ERBB4: variants seen among roughly 807,000 people sequenced by gnomAD.
ERBB4 encodes the protein receptor tyrosine-protein kinase erbB-4.
ERBB4 carries 42 observed loss-of-function variants against 158.0 expected under a neutral mutation model. The observed-to-expected ratio is 0.27, with a 90% CI of 0.21 to 0.34. The LOEUF is 0.34. Among genes scored for constraint, ERBB4 ranks in the 10% least tolerant of loss-of-function variants. The pLI, the probability that ERBB4 is intolerant of heterozygous loss-of-function variation, is 1.00. For synonymous variants in ERBB4, 583 were observed against 558.7 expected (o/e 1.04, Z -0.61); for missense variants, 1,333 against 1,624.1 (o/e 0.82, Z 3.08).
intron 1 of ERBB4, among the ~76,000 whole-genome samples, chr2:212,305,977 A>AT (rs2086795683): frequency 1.3e-5 from 2 of 151,498 alleles, no homozygotes; most frequent in African/African-American, 4.8e-5. Context: ...TATCTGTATA[A>AT]GTAAATCTGC....
rs2125137828 is a variant in ERBB4, at chr2:211,947,499, C to T, written c.352G>A (p.Ala118Thr). 1 of 1,613,764 alleles carries T rather than the reference C, an allele frequency of 6.2e-7. No homozygotes were observed. The highest frequency in any genetic ancestry group is 8.5e-7 in the Non-Finnish European group (1 of 1,179,868). Residue 118 changes from alanine (A) to threonine (T), a missense_variant, in exon 3 of 28, where the codon GCA becomes ACA. Ala to Thr is a moderately conservative substitution (Grantham distance 58). Coordinates refer to ENST00000342788, the MANE Select transcript of ERBB4 (RefSeq NM_005235.3). The part of the protein sequence containing the change: ...TKLYEDRYAL[A>T]IFLNYRKDGN... ...TCTTTTCTGTAGTTTAAAAATATTGCCAAGGCATATCGATCCTCATAAAGT... is the reference window on the plus strand; with the variant it reads ...TCTTTTCTGTAGTTTAAAAATATTGTCAAGGCATATCGATCCTCATAAAGT...
At chr2:211,568,489 T>G (rs899836555) in intron 19 of ERBB4, among the ~76,000 whole-genome samples, 3 of 152,164 alleles carry the variant, frequency 2.0e-5, no homozygotes, top group Non-Finnish European at 2.9e-5. Flanking sequence ...TTTTTCATAT[T>G]ATTTAGCGGT....
At chr2:212,159,869 C>T (rs2081152986) in intron 1 of ERBB4, among the ~76,000 whole-genome samples, 1 of 151,934 alleles carries the variant, frequency 6.6e-6, no homozygotes, top group Admixed American at 6.6e-5. Context: ...TGATAAATGG[C>T]TAATATACTT....
chr2:212,353,463 T>C (rs2089340796), intron 1 of ERBB4, among the ~76,000 whole-genome samples: 1 of 149,674 alleles, frequency 6.7e-6, no homozygotes, highest in Admixed American at 6.7e-5. Flanking sequence ...TATTTTATAA[T>C]ATATACATAT....
chr2:211,445,584 G>A (rs1259917074), intron 20 of ERBB4, among the ~76,000 whole-genome samples: 6 of 152,034 alleles, frequency 3.9e-5, no homozygotes, highest in Non-Finnish European at 8.8e-5. Context: ...TAAAACTAGC[G>A]ACAGTATCAA....
At chr2:211,386,782 A>T in intron 27 of ERBB4, 71 bp downstream of exon 27, 1 of 1,516,910 alleles carries the variant, frequency 6.6e-7, no homozygotes, top group Non-Finnish European at 9.1e-7. Context: ...GGCAATTTCT[A>T]TTCTGTACTT....
chr2:211,813,032 C>T (rs988115952), intron 3 of ERBB4, among the ~76,000 whole-genome samples: 15 of 152,170 alleles, frequency 9.9e-5, no homozygotes, highest in African/African-American at 3.4e-4. Flanking sequence ...TGTTCCAGCT[C>T]GCCCTCTGTG....
At chr2:212,476,725 C>A (rs1689423259) in intron 1 of ERBB4, among the ~76,000 whole-genome samples, 1 of 152,012 alleles carries the variant, frequency 6.6e-6, no homozygotes, top group Non-Finnish European at 1.5e-5. Flanking sequence ...TACATTAACA[C>A]AAATTAAAAA....
intron 22 of ERBB4, among the ~76,000 whole-genome samples, chr2:211,426,643 G>A (rs2063634686): frequency 6.6e-6 from 1 of 151,848 alleles, no homozygotes; most frequent in Admixed American, 6.6e-5. Context: ...TGACTGTTCT[G>A]CCCAGTTTAT....
At chr2:211,570,681 C>T (rs1205272305) in intron 19 of ERBB4, among the ~76,000 whole-genome samples, 1 of 152,136 alleles carries the variant, frequency 6.6e-6, no homozygotes, top group Non-Finnish European at 1.5e-5. Context: ...ACTGTAACTA[C>T]AAGGACATAT....
intron 1 of ERBB4, among the ~76,000 whole-genome samples, chr2:212,510,442 T>A (rs1476651010): frequency 6.6e-6 from 1 of 151,806 alleles, no homozygotes; most frequent in Non-Finnish European, 1.5e-5. Flanking sequence ...CTTACTGACC[T>A]TGTCACCTCA....
At chr2:211,567,633 T>A (rs2125736146) in intron 19 of ERBB4, among the ~76,000 whole-genome samples, 1 of 152,282 alleles carries the variant, frequency 6.6e-6, no homozygotes, top group East Asian at 1.9e-4. Context: ...TTTAAAAATC[T>A]GTTAGTAAGT....
chr2:211,981,540 T>C (rs2081796107), intron 2 of ERBB4, among the ~76,000 whole-genome samples: 1 of 152,218 alleles, frequency 6.6e-6, no homozygotes, highest in Non-Finnish European at 1.5e-5. Flanking sequence ...TATGCTATGC[T>C]GCAATGACAC....
At chr2:211,617,724 T>G (rs1228009101) in intron 19 of ERBB4, among the ~76,000 whole-genome samples, 1 of 152,074 alleles carries the variant, frequency 6.6e-6, no homozygotes, top group African/African-American at 2.4e-5. Flanking sequence ...CAAAGACAGC[T>G]CCTGTAAAAC....
intron 16 of ERBB4, among the ~76,000 whole-genome samples, chr2:211,631,145 AC>A (rs1351313689): frequency 6.6e-6 from 1 of 151,902 alleles, no homozygotes; most frequent in Non-Finnish European, 1.5e-5. Context: ...TGCCAGTAGC[AC>A]CCCCATCCTC....
At chr2:212,310,609 ATGTGTGTGTGTG>A (rs56209146) in intron 1 of ERBB4, among the ~76,000 whole-genome samples, 2 of 143,390 alleles carry the variant, frequency 1.4e-5, no homozygotes, top group Non-Finnish European at 3.1e-5. Context: ...ATATATGTAT[ATGTGTGTGTGTG>A]TGTGTGTGTG....
At chr2:212,233,458 C>T (rs567121702) in intron 1 of ERBB4, among the ~76,000 whole-genome samples, 1 of 152,196 alleles carries the variant, frequency 6.6e-6, no homozygotes, top group East Asian at 1.9e-4. Context: ...ATTACGTTAG[C>T]CTCCTTAATG....
At chr2:212,037,962 C>T (rs1157639725) in intron 2 of ERBB4, among the ~76,000 whole-genome samples, 1 of 151,930 alleles carries the variant, frequency 6.6e-6, no homozygotes, top group African/African-American at 2.4e-5. Flanking sequence ...AAAAAATTAG[C>T]CGTTGTATTT....
chr2:212,279,439 A>G (rs1210804258), intron 1 of ERBB4, among the ~76,000 whole-genome samples: 1 of 151,558 alleles, frequency 6.6e-6, no homozygotes, highest in African/African-American at 2.4e-5. Flanking sequence ...GTTTATATTC[A>G]TAATTCCATA....
Sources: gnomAD v4.1 joint callset for allele counts (sites outside exome capture counted in the v4.1 genomes callset) on GRCh38, gnomAD v4.1.1 for gene constraint, MANE v1.5 for transcripts, NCBI Gene and HGNC (gene_info 2026-07-23, HGNC 2026-07-21) for gene names.